The following MPP7 variants were observed in gnomAD, a reference collection of about 807,000 sequenced individuals.
MPP7 encodes the protein MAGUK p55 subfamily member 7.
Under a neutral mutation model 76.5 loss-of-function variants are expected in MPP7, and 60 were observed. That is an observed-to-expected ratio of 0.78 (90% CI 0.64 to 0.97). The LOEUF (loss-of-function observed/expected upper bound fraction) is 0.97. Ranked by LOEUF, MPP7 falls within the 50% of genes least tolerant of loss-of-function variation. The pLI, the probability that MPP7 is intolerant of heterozygous loss-of-function variation, is 0.00. For synonymous variants in MPP7, 237 were observed against 244.5 expected, an observed-to-expected ratio of 0.97 and a Z score of 0.29; for missense variants, 641 against 694.0, an observed-to-expected ratio of 0.92 and a Z score of 0.86.
At chr10:28,158,636 C>T (rs192278453) in intron 3 of MPP7, among the ~76,000 whole-genome samples, 22 of 152,234 alleles carry the variant, frequency 1.4e-4, no homozygotes, top group African/African-American at 5.3e-4. Flanking sequence ...AGAGAGGGAA[C>T]AGTAGAGGCC....
chr10:28,064,633 C>T (rs940106057), intron 13 of MPP7, among the ~76,000 whole-genome samples: 2 of 152,160 alleles, frequency 1.3e-5, no homozygotes, highest in African/African-American at 2.4e-5. Flanking sequence ...CTGAGAAGTA[C>T]GGAAAATGTA....
At chr10:28,170,745 A>G (rs967222853) in intron 3 of MPP7, among the ~76,000 whole-genome samples, 4 of 152,068 alleles carry the variant, frequency 2.6e-5, no homozygotes, top group African/African-American at 9.6e-5. Context: ...TTATTTCCAC[A>G]ATTAGATTTT....
intron 8 of MPP7, among the ~76,000 whole-genome samples, 181 bp downstream of exon 8, chr10:28,123,850 C>A (rs1834922148): frequency 6.6e-6 from 1 of 152,042 alleles, no homozygotes; most frequent in Non-Finnish European, 1.5e-5. Context: ...TCTCATTTTG[C>A]AAATGAAAAC....
intron 1 of MPP7, among the ~76,000 whole-genome samples, chr10:28,240,864 T>TC (rs1328371039): frequency 1.3e-5 from 2 of 152,178 alleles, no homozygotes; most frequent in South Asian, 2.1e-4. Flanking sequence ...AAAATGAAAA[T>TC]CAATTAAAAT....
chr10:28,262,259 GTA>G (rs71391025), intron 1 of MPP7, among the ~76,000 whole-genome samples: 1,728 of 13,832 alleles, frequency 0.12, 223 homozygotes, highest in East Asian at 0.42. Context: ...ATATATATAT[GTA>G]TATATATATA....
chr10:28,131,429 G>T, intron 6 of MPP7, 131 bp downstream of exon 6: 1 of 727,198 alleles, frequency 1.4e-6, no homozygotes, highest in Non-Finnish European at 1.9e-6. Context: ...ATGTTCTTTA[G>T]ACATCAATGT....
intron 3 of MPP7, among the ~76,000 whole-genome samples, chr10:28,167,773 T>C (rs939861424): frequency 1.3e-5 from 2 of 152,196 alleles, no homozygotes; most frequent in Non-Finnish European, 1.5e-5. Flanking sequence ...TCAAATGTTT[T>C]CTAAAATGGT....
At chr10:28,194,898 C>T (rs779623892) in intron 3 of MPP7, among the ~76,000 whole-genome samples, 3 of 152,078 alleles carry the variant, frequency 2.0e-5, no homozygotes, top group East Asian at 1.9e-4. Context: ...AACATTGGTT[C>T]GTTAATTGAC....
rs869250857 is a variant in MPP7, at chr10:28,105,152, CAAAAAAAAAAAAAAA to C, written c.952+14484_952+14498del. Among the ~76,000 whole-genome samples, 99 of 29,630 alleles carry C rather than the reference CAAAAAAAAAAAAAAA, an allele frequency of 3.3e-3. 2 individuals are homozygous for C. The South Asian group carries it at 0.061, about 18-fold the overall frequency. 19.4% of individuals were successfully genotyped at this position (29,630 alleles called of 152,430 possible). ...CTGGCGACAGAGTGAGACTCCATCTCAAAAAAAAAAAAAAAAAAAAAAAAAAGCAAAAACCCTGTC... is the reference window on the plus strand; with the variant it reads ...CTGGCGACAGAGTGAGACTCCATCTCAAAAAAAAAAAGCAAAAACCCTGTC... On this transcript the variant is annotated intron_variant, in intron 11 of 16. Coordinates refer to ENST00000683449, the MANE Select transcript of MPP7 (RefSeq NM_001318170.2).
At chr10:28,054,555 G>C (rs1851479659) in intron 16 of MPP7, among the ~76,000 whole-genome samples, 1 of 152,182 alleles carries the variant, frequency 6.6e-6, no homozygotes, top group Admixed American at 6.5e-5. Context: ...ATAGCTATTG[G>C]AGAAAAGAAT....
At chr10:28,165,649 A>C (rs1213991589) in intron 3 of MPP7, among the ~76,000 whole-genome samples, 1 of 152,188 alleles carries the variant, frequency 6.6e-6, no homozygotes, top group Non-Finnish European at 1.5e-5. Context: ...ACCTGAAAAA[A>C]CATGGGCATG....
In MPP7 at chr10:28,262,210, T is replaced by TATATATATATATATAC. The variant is rs1839986599; in HGVS notation, c.-131-23491_-131-23476dup. On this transcript the variant is annotated intron_variant, in intron 1 of 16. Coordinates refer to ENST00000683449, the MANE Select transcript of MPP7 (RefSeq NM_001318170.2). Reference sequence around the variant, plus strand: ...TTATATATATATATATATATATACATATATATATATATATACATATATATA... The same window carrying TATATATATATATATAC: ...TTATATATATATATATATATATACATATATATATATATATACATATATATATATATACATATATATA... 3.8e-3 allele frequency among the ~76,000 whole-genome samples: 31 copies of TATATATATATATATAC among 8,208 alleles called. 2 individuals are homozygous for TATATATATATATATAC. Among genetic ancestry groups the TATATATATATATATAC allele is most frequent in the Non-Finnish European group, 0.011 (27 of 2,422 alleles). The allele number at this position is 8,208 out of a possible 152,430, so 5.4% of individuals were successfully genotyped here.
At chr10:28,251,616 G>T (rs898204558) in intron 1 of MPP7, among the ~76,000 whole-genome samples, 1 of 152,110 alleles carries the variant, frequency 6.6e-6, no homozygotes, top group East Asian at 1.9e-4. Flanking sequence ...ACAGAAAAGT[G>T]TTCAAGTTTT....
chr10:28,100,882 C>T (rs1339938382), intron 11 of MPP7, among the ~76,000 whole-genome samples: 4 of 152,016 alleles, frequency 2.6e-5, no homozygotes, highest in Non-Finnish European at 5.9e-5. Context: ...CAGAACATCA[C>T]CATAAAAATG....
chr10:28,220,510 C>G (rs766687885), intron 2 of MPP7, among the ~76,000 whole-genome samples: 14 of 152,142 alleles, frequency 9.2e-5, no homozygotes, highest in Non-Finnish European at 1.5e-4. Flanking sequence ...TCAAGCATAA[C>G]ATGTAGTTTG....
intron 1 of MPP7, among the ~76,000 whole-genome samples, chr10:28,280,760 G>A (rs1840645115): frequency 6.6e-6 from 1 of 151,778 alleles, no homozygotes; most frequent in Non-Finnish European, 1.5e-5. Context: ...GATCATCTCA[G>A]ACCCTGGGAA....
At position 28,208,466 on chromosome 10, in the gene MPP7, C is replaced by T. The variant is rs139960001; in HGVS notation, c.38-6195G>A. Among the ~76,000 whole-genome samples, 562 of 152,310 alleles carry T rather than the reference C, an allele frequency of 3.7e-3. 4 individuals are homozygous for T. Among genetic ancestry groups the T allele is most frequent in the African/African-American group, 0.012 (510 of 41,566 alleles). ...AGGCAGGGTGAGGCTAGGAAGTTGA[C>T]CTCTGGGATGCCCACAAGACTCACT... is the stretch of plus-strand genomic sequence containing the variant. On this transcript the variant is annotated intron_variant, in intron 2 of 16. Coordinates refer to ENST00000683449, the MANE Select transcript of MPP7 (RefSeq NM_001318170.2).
intron 3 of MPP7, among the ~76,000 whole-genome samples, chr10:28,157,661 C>T (rs751999469): frequency 3.3e-5 from 5 of 152,226 alleles, no homozygotes; most frequent in African/African-American, 4.8e-5. Context: ...AGCCATTCTC[C>T]ATCAGGTTCC....
At chr10:28,158,431 AG>A (rs903826855) in intron 3 of MPP7, among the ~76,000 whole-genome samples, 3 of 152,158 alleles carry the variant, frequency 2.0e-5, no homozygotes, top group Non-Finnish European at 2.9e-5. Context: ...GACAGCCGGC[AG>A]GGGGGCCCAC....
Sources: allele counts gnomAD v4.1 joint callset (sites outside exome capture counted in the v4.1 genomes callset), GRCh38; gene constraint gnomAD v4.1.1; transcripts MANE v1.5; gene names NCBI Gene and HGNC (gene_info 2026-07-23, HGNC 2026-07-21).